The following YWHAE variants were observed in gnomAD, a reference collection of about 807,000 sequenced individuals.
YWHAE encodes the protein tyrosine 3-monooxygenase/tryptophan 5-monooxygenase activation protein epsilon.
In YWHAE, 4 loss-of-function variants were observed where a neutral mutation model predicts 30.1. That is an observed-to-expected ratio of 0.13 (90% confidence interval 0.07 to 0.30). The LOEUF is 0.30. Ranked by LOEUF, YWHAE falls within the 10% of genes least tolerant of loss-of-function variation. YWHAE has a pLI of 1.00. For missense variants in YWHAE, 121 were observed against 315.9 expected, an observed-to-expected ratio of 0.38 and a Z score of 4.68; for synonymous variants, 118 against 111.8, an observed-to-expected ratio of 1.06 and a Z score of -0.35.
chr17:1,353,210 G>T (rs147902497), intron 5 of YWHAE, among the ~76,000 whole-genome samples: 2 of 151,968 alleles, frequency 1.3e-5, no homozygotes, highest in Non-Finnish European at 2.9e-5. Flanking sequence ...AGGCCGAGGC[G>T]GGTGGATCAC....
intron 1 of YWHAE, among the ~76,000 whole-genome samples, chr17:1,366,226 GAATA>G (rs1353162112): frequency 2.0e-5 from 3 of 147,584 alleles, no homozygotes; most frequent in South Asian, 2.1e-4. Flanking sequence ...AAAAAAAATA[GAATA>G]AATAAAATAA....
chr17:1,358,830 A>AAAG (rs1275921157), intron 4 of YWHAE, among the ~76,000 whole-genome samples: 1 of 20,348 alleles, frequency 4.9e-5, no homozygotes, highest in Non-Finnish European at 1.2e-4. Flanking sequence ...ACTCCATCTT[A>AAAG]AAAAAAAAAA....
intron 1 of YWHAE, among the ~76,000 whole-genome samples, chr17:1,372,856 G>A (rs1035273207): frequency 7.2e-5 from 11 of 152,156 alleles, no homozygotes; most frequent in Middle Eastern, 3.2e-3. Flanking sequence ...AGGAGGCCGA[G>A]GCAGGAGGAT....
chr17:1,354,485 CAAT>C, intron 4 of YWHAE, 138 bp from the exon 5 acceptor site: 4 of 872,908 alleles, frequency 4.6e-6, no homozygotes, highest in Non-Finnish European at 6.9e-6. Flanking sequence ...AAAGCAAATA[CAAT>C]AAAAATTAAC....
chr17:1,391,699 G>A (rs562787066), intron 1 of YWHAE, among the ~76,000 whole-genome samples: 1 of 152,244 alleles, frequency 6.6e-6, no homozygotes, highest in East Asian at 1.9e-4. Context: ...CAAGCTGGCC[G>A]GGCGCAGTGG....
At chr17:1,348,574 A>G (rs1037925029) in intron 5 of YWHAE, among the ~76,000 whole-genome samples, 1 of 152,230 alleles carries the variant, frequency 6.6e-6, no homozygotes, top group African/African-American at 2.4e-5. Context: ...TTCACCACGG[A>G]ACCCAAGTCA....
chr17:1,382,743 G>C (rs2073234371), intron 1 of YWHAE, among the ~76,000 whole-genome samples: 1 of 152,112 alleles, frequency 6.6e-6, no homozygotes, highest in Non-Finnish European at 1.5e-5. Flanking sequence ...ATGAAAAACA[G>C]GCCAGGTGCG....
intron 3 of YWHAE, 100 bp from the exon 4 acceptor site, chr17:1,361,398 A>T: frequency 1.1e-6 from 1 of 915,164 alleles, no homozygotes; most frequent in Non-Finnish European, 1.6e-6. Flanking sequence ...ATAAAATGTG[A>T]CAAAAATATA....
chr17:1,380,010 G>C (rs1270717809), intron 1 of YWHAE, among the ~76,000 whole-genome samples: 1 of 151,398 alleles, frequency 6.6e-6, no homozygotes, highest in East Asian at 1.9e-4. Context: ...ACTTTTATTA[G>C]ACAAAAATGA....
intron 1 of YWHAE, among the ~76,000 whole-genome samples, chr17:1,375,928 CAAATA>C (rs1309402343): frequency 6.6e-6 from 1 of 152,190 alleles, no homozygotes; most frequent in Non-Finnish European, 1.5e-5. Context: ...GACTTATTCA[CAAATA>C]AAACCCCCCA....
intron 4 of YWHAE, among the ~76,000 whole-genome samples, chr17:1,356,225 C>T (rs555154938): frequency 2.9e-5 from 4 of 140,086 alleles, no homozygotes; most frequent in Admixed American, 1.4e-4. Context: ...CAAAATTAGC[C>T]GGGCATGGTG....
intron 4 of YWHAE, among the ~76,000 whole-genome samples, chr17:1,360,527 G>A (rs1460405879): frequency 6.6e-6 from 1 of 152,032 alleles, no homozygotes; most frequent in African/African-American, 2.4e-5. Context: ...TTTGGGAGGC[G>A]AAGGCGGGCG....
At chr17:1,374,849 C>G (rs959636047) in intron 1 of YWHAE, among the ~76,000 whole-genome samples, 2 of 152,146 alleles carry the variant, frequency 1.3e-5, no homozygotes, top group Non-Finnish European at 2.9e-5. Flanking sequence ...CCCCCAACCC[C>G]CTCTGCATCC....
chr17:1,353,763 CAAAAA>C (rs201551828), intron 5 of YWHAE, among the ~76,000 whole-genome samples: 1 of 144,418 alleles, frequency 6.9e-6, no homozygotes, highest in African/African-American at 2.5e-5. Context: ...GACTCCGTCT[CAAAAA>C]AAAAAAAAAG....
At chr17:1,367,321 G>A (rs1025514320) in intron 1 of YWHAE, among the ~76,000 whole-genome samples, 4 of 152,158 alleles carry the variant, frequency 2.6e-5, no homozygotes, top group African/African-American at 9.7e-5. Flanking sequence ...AGAATTAACT[G>A]TCCATGCACA....
intron 1 of YWHAE, among the ~76,000 whole-genome samples, chr17:1,371,277 G>T (rs2073039030): frequency 2.6e-5 from 4 of 152,046 alleles, no homozygotes; most frequent in African/African-American, 9.7e-5. Flanking sequence ...TAAAGACAGG[G>T]TTTTGCCATG....
chr17:1,353,973 C>T (rs987782003), intron 5 of YWHAE, among the ~76,000 whole-genome samples: 2 of 152,146 alleles, frequency 1.3e-5, no homozygotes, highest in African/African-American at 4.8e-5. Context: ...GCTTGCTCTC[C>T]ACTCCTCCTG....
At chr17:1,358,425 G>C (rs887276738) in intron 4 of YWHAE, among the ~76,000 whole-genome samples, 1 of 151,402 alleles carries the variant, frequency 6.6e-6, no homozygotes, top group Non-Finnish European at 1.5e-5. Flanking sequence ...ATTTTTAGTA[G>C]AGACGGGGTT....
At chr17:1,365,439 C>G (rs2072927522) in intron 1 of YWHAE, among the ~76,000 whole-genome samples, 1 of 152,134 alleles carries the variant, frequency 6.6e-6, no homozygotes, top group Non-Finnish European at 1.5e-5. Flanking sequence ...TGTATTGTCT[C>G]ACAAATAAAT....
Sources: gnomAD v4.1 joint callset for allele counts (sites outside exome capture counted in the v4.1 genomes callset) on GRCh38, gnomAD v4.1.1 for gene constraint, MANE v1.5 for transcripts, NCBI Gene and HGNC (gene_info 2026-07-23, HGNC 2026-07-21) for gene names.